The following MSANTD4 variants were observed in gnomAD, a reference collection of about 807,000 sequenced individuals.
MSANTD4 encodes Myb/SANT DNA binding domain containing 4 with coiled-coils.
A neutral mutation model predicts 34.3 loss-of-function variants in MSANTD4; 13 were observed. The ratio of observed to expected loss-of-function variants is 0.38; its 90% confidence interval spans 0.25 to 0.60. MSANTD4 has a LOEUF of 0.60. MSANTD4 is among the 20% of genes least tolerant of loss of function. MSANTD4 has a pLI of 0.63. For missense variants in MSANTD4, 358 were observed against 401.8 expected (o/e 0.89, Z 0.93); for synonymous variants, 137 against 145.2 (o/e 0.94, Z 0.41).
rs1316167285 is a variant in MSANTD4, at chr11:106,010,985, A to G, written c.-68T>C. ...AATTTGAGGAATGCTGCAAAGCACAAAAACCAGGGATAATTCTTTGCTGGC... is the reference window on the plus strand; with the variant it reads ...AATTTGAGGAATGCTGCAAAGCACAGAAACCAGGGATAATTCTTTGCTGGC... On this transcript the variant is annotated 5_prime_UTR_variant, in exon 2 of 3. Transcript: ENST00000301919. 1.2e-5 allele frequency: 18 copies of G among 1,480,048 alleles called. No individual in the cohort carries two copies. The highest frequency in any genetic ancestry group is 1.6e-5 in the Non-Finnish European group (18 of 1,119,698). 91.7% of individuals were successfully genotyped at this position (1,480,048 alleles called of 1,614,324 possible).
intron 1 of MSANTD4, among the ~76,000 whole-genome samples, chr11:106,018,076 G>A (rs1176277110): frequency 4.6e-5 from 7 of 151,902 alleles, no homozygotes; most frequent in Non-Finnish European, 8.8e-5. Context: ...GAAATACAAT[G>A]TAATCTACAC....
At chr11:106,020,760 G>A (rs1172329939) in intron 1 of MSANTD4, among the ~76,000 whole-genome samples, 8 of 152,156 alleles carry the variant, frequency 5.3e-5, no homozygotes, top group African/African-American at 1.9e-4. Context: ...ATTCTGAACT[G>A]ATGAACTATT....
In MSANTD4 at chr11:106,009,962, A is replaced by T; in HGVS notation, c.611T>A (p.Leu204His). Residue 204 changes from leucine to histidine, a missense_variant, in exon 3 of 3, where the codon CTC (leucine) becomes CAC (histidine). Leu to His is a moderately conservative substitution (Grantham distance 99). Transcript: ENST00000301919. Reference sequence around the variant, plus strand: ...TAGTTTCTGTTTCTCAATATTTACGAGCAAATGAGGCTCATCATATGCAGA... The same window carrying T: ...TAGTTTCTGTTTCTCAATATTTACGTGCAAATGAGGCTCATCATATGCAGA... ...SRSAYDEPHL[L>H]VNIEKQKLEL... 1 of 1,612,616 alleles carries T rather than the reference A, an allele frequency of 6.2e-7. No homozygotes were observed.
intron 1 of MSANTD4, among the ~76,000 whole-genome samples, chr11:106,015,325 A>G (rs1374827280): frequency 6.6e-6 from 1 of 152,216 alleles, no homozygotes; most frequent in Non-Finnish European, 1.5e-5. Flanking sequence ...AATGATAATA[A>G]CATTACTTCA....
Position 106,010,621 on chromosome 11 carries a change from G to C in MSANTD4, c.297C>G (p.Pro99=), listed in dbSNP as rs1859666284. ...TGAGAGAGTCATCCAAATCAGAGGAGGGAAGGGGAAATCCTGAACCAACCA... is the reference window on the plus strand; with the variant it reads ...TGAGAGAGTCATCCAAATCAGAGGACGGAAGGGGAAATCCTGAACCAACCA... ...IKLVGSGFPL[P]SSDLDDSLTE... The change falls in exon 2 of 3, where the codon CCC becomes CCG. Residue 99 remains proline (P), a synonymous_variant. Transcript: ENST00000301919. 6.2e-7 allele frequency: 1 copy of C among 1,614,100 alleles called. No homozygotes were observed. Among genetic ancestry groups the C allele is most frequent in the African/African-American group, 1.3e-5 (1 of 75,032 alleles).
At position 106,009,459 on chromosome 11, in the gene MSANTD4, G is replaced by T; in HGVS notation, c.*76C>A. ...TAGACAAGAAACCACAGCTAATCCAGCAACCATCATTATATCACCTGATAT... is the reference window on the plus strand; with the variant it reads ...TAGACAAGAAACCACAGCTAATCCATCAACCATCATTATATCACCTGATAT... On this transcript the variant is annotated 3_prime_UTR_variant, in exon 3 of 3. Transcript: ENST00000301919. 1 of 1,379,060 alleles carries T rather than the reference G, an allele frequency of 7.3e-7. No homozygotes were observed. Among genetic ancestry groups the T allele is most frequent in the Non-Finnish European group, 9.9e-7 (1 of 1,011,984 alleles). 85.4% of individuals were successfully genotyped at this position (1,379,060 alleles called of 1,614,324 possible).
rs372457954 is a variant in MSANTD4, at chr11:106,010,026, T to C, written c.547A>G (p.Ile183Val). The stretch of plus-strand genomic sequence containing the variant: ...GAGTTAAGGGTAAAAAACTCATCAA[T>C]GTGGGGGAAATCGGGAAGTTCATTT... ...RENELPDFPHIDEFFTLNSTP... is the reference protein window; with the variant it reads ...RENELPDFPHVDEFFTLNSTP... Residue 183 changes from isoleucine to valine, a missense_variant, in exon 3 of 3, where the codon ATT becomes GTT. This residue lies in a region of MSANTD4 where 312 missense variants were observed against 317.6 expected (regional missense o/e 0.98). Transcript: ENST00000301919. 1.9e-6 allele frequency: 3 copies of C among 1,603,442 alleles called. No homozygotes were observed. Among genetic ancestry groups the C allele is most frequent in the South Asian group, 1.1e-5 (1 of 90,870 alleles).
chr11:106,008,542 T>C lies in MSANTD4; in HGVS notation c.*993A>G, dbSNP rs905334578. On this transcript the variant is annotated 3_prime_UTR_variant, in exon 3 of 3. Coordinates refer to ENST00000301919, the MANE Select transcript of MSANTD4 (RefSeq NM_032424.3). ...TACATCTTCCCCACCTACCCCCTAC[T>C]CCCAAATGGCTGCTATTACTTATTT... 2 of 152,194 alleles carry C rather than the reference T, an allele frequency of 1.3e-5. No individual in the cohort carries two copies. Among genetic ancestry groups the C allele is most frequent in the Non-Finnish European group, 2.9e-5 (2 of 68,052 alleles). 9.4% of individuals were successfully genotyped at this position (152,194 alleles called of 1,614,324 possible).
chr11:106,011,802 A>C (rs970269907), intron 1 of MSANTD4, among the ~76,000 whole-genome samples: 2 of 152,228 alleles, frequency 1.3e-5, no homozygotes, highest in Non-Finnish European at 2.9e-5. Context: ...GATATCTAAA[A>C]GAAAAAGTAC....
chr11:106,016,038 T>A (rs974397353), intron 1 of MSANTD4, among the ~76,000 whole-genome samples: 6 of 152,200 alleles, frequency 3.9e-5, no homozygotes, highest in Non-Finnish European at 7.4e-5. Context: ...TTAAAGCTTT[T>A]ATATAGACAA....
intron 1 of MSANTD4, among the ~76,000 whole-genome samples, chr11:106,017,709 G>A (rs1221394553): frequency 6.6e-6 from 1 of 151,994 alleles, no homozygotes; most frequent in Non-Finnish European, 1.5e-5. Flanking sequence ...ACATTAAAAA[G>A]CTATGTCTGT....
At chr11:106,020,157 A>G (rs1367430648) in intron 1 of MSANTD4, among the ~76,000 whole-genome samples, 2 of 152,240 alleles carry the variant, frequency 1.3e-5, no homozygotes, top group Non-Finnish European at 2.9e-5. Context: ...CTGGATATTC[A>G]TAAGAAAGAC....
At chr11:106,012,921 T>A (rs1591519802) in intron 1 of MSANTD4, among the ~76,000 whole-genome samples, 1 of 152,326 alleles carries the variant, frequency 6.6e-6, no homozygotes, top group East Asian at 1.9e-4. Flanking sequence ...AGCTAGCCTT[T>A]GCATTATCAG....
At position 106,009,914 on chromosome 11, in the gene MSANTD4, T is replaced by A. The variant is rs776271313; in HGVS notation, c.659A>T (p.Asp220Val). Reference sequence around the variant, plus strand: ...TACCTGCAGCCTTTCGGCCTCGATATCCAGTCGTCGTTTTTCCAACTCTAG... The same window carrying A: ...TACCTGCAGCCTTTCGGCCTCGATAACCAGTCGTCGTTTTTCCAACTCTAG... ...QKLELEKRRLDIEAERLQVEK... is the reference protein window; with the variant it reads ...QKLELEKRRLVIEAERLQVEK... The change falls in exon 3 of 3, where the codon GAT (aspartate) becomes GTT (valine). Residue 220 changes from aspartate to valine, a missense_variant. Asp to Val is a radical substitution (Grantham distance 152). Around this residue, in one of 2 missense-constraint regions of MSANTD4, gnomAD observed 312 missense variants for 317.6 expected, o/e 0.98. Transcript: ENST00000301919. 62 of 1,613,658 alleles carry A rather than the reference T, an allele frequency of 3.8e-5. No individual in the cohort carries two copies. The highest frequency in any genetic ancestry group is 4.4e-5 in the Non-Finnish European group (52 of 1,180,000).
intron 1 of MSANTD4, among the ~76,000 whole-genome samples, chr11:106,019,863 C>T (rs913458100): frequency 6.6e-6 from 1 of 152,202 alleles, no homozygotes; most frequent in Non-Finnish European, 1.5e-5. Context: ...TATGCCAATT[C>T]CACCACTTAA....
chr11:106,016,124 C>G (rs1161911200), intron 1 of MSANTD4, among the ~76,000 whole-genome samples: 1 of 152,156 alleles, frequency 6.6e-6, no homozygotes, highest in Non-Finnish European at 1.5e-5. Context: ...TCCTAAAGTG[C>G]TAGGATTACA....
rs1413199377 is a variant in MSANTD4, at chr11:106,010,946, A to G, written c.-29T>C. On this transcript the variant is annotated 5_prime_UTR_variant, in exon 2 of 3. Coordinates refer to ENST00000301919, the MANE Select transcript of MSANTD4 (RefSeq NM_032424.3). ...CAATTTCAATGCAGTTTTTATGGTA[A>G]GAGATGTGAAAACAATTTGAGGAAT... The G allele has an allele frequency of 1.9e-6, 3 of 1,548,742 alleles. No homozygotes were observed. In the South Asian group the frequency reaches 3.8e-5, roughly 20 times the overall value.
chr11:106,019,074 G>A (rs1007600770), intron 1 of MSANTD4, among the ~76,000 whole-genome samples: 10 of 152,064 alleles, frequency 6.6e-5, no homozygotes, highest in African/African-American at 2.2e-4. Context: ...TCTTCCTATT[G>A]TAAACCCTAT....
chr11:106,014,551 A>G (rs756872996), intron 1 of MSANTD4, among the ~76,000 whole-genome samples: 1 of 152,234 alleles, frequency 6.6e-6, no homozygotes, highest in African/African-American at 2.4e-5. Context: ...AAAATATAGC[A>G]ATTAAGCAAG....
Sources: allele counts gnomAD v4.1 joint callset (sites outside exome capture counted in the v4.1 genomes callset), GRCh38; gene constraint gnomAD v4.1.1; regional missense constraint gnomAD v4.1.1; transcripts MANE v1.5; gene names NCBI Gene and HGNC (gene_info 2026-07-23, HGNC 2026-07-21).